Variants in SPMIP2 observed in about 807,000 individuals in gnomAD.
SPMIP2 encodes the protein protein SPMIP2.
the SPMIP2 span, among the ~76,000 whole-genome samples, chr4:158,941,578 G>T: frequency 6.6e-6 from 1 of 152,146 alleles, no homozygotes; most frequent in African/African-American, 2.4e-5. Context: ...AGGATTGTTT[G>T]AGCCCAGGAG....
the SPMIP2 span, among the ~76,000 whole-genome samples, chr4:159,050,605 C>T: frequency 6.6e-6 from 1 of 151,996 alleles, no homozygotes; most frequent in African/African-American, 2.4e-5. Flanking sequence ...GAGTTCGAGA[C>T]CAGCCTGGGC....
chr4:159,052,621 ATTATTATTATT>A, the SPMIP2 span, among the ~76,000 whole-genome samples: 3 of 150,622 alleles, frequency 2.0e-5, no homozygotes, highest in South Asian at 2.1e-4. Context: ...TATTATTATT[ATTATTATTATT>A]TTATTATTAT....
chr4:159,023,875 A>C, the SPMIP2 span, among the ~76,000 whole-genome samples: 1 of 152,290 alleles, frequency 6.6e-6, no homozygotes, highest in East Asian at 1.9e-4. Context: ...CCTGACTGCC[A>C]AGAATAAAGC....
chr4:158,926,986 C>T, the SPMIP2 span, among the ~76,000 whole-genome samples: 5 of 152,086 alleles, frequency 3.3e-5, no homozygotes, highest in Admixed American at 2.0e-4. Context: ...ACACAGGTAC[C>T]CCTGAATCTA....
the SPMIP2 span, among the ~76,000 whole-genome samples, chr4:158,996,455 G>A: frequency 3.9e-5 from 6 of 152,238 alleles, no homozygotes; most frequent in South Asian, 1.2e-3. Context: ...ATAGTCTCTA[G>A]ATATTTCATG....
chr4:159,067,956 A>G, the SPMIP2 span, among the ~76,000 whole-genome samples: 19 of 152,212 alleles, frequency 1.2e-4, no homozygotes, highest in Non-Finnish European at 7.4e-5. Flanking sequence ...CAAAACCACA[A>G]TGAGATATCA....
the SPMIP2 span, among the ~76,000 whole-genome samples, chr4:158,982,787 C>T: frequency 6.6e-6 from 1 of 152,098 alleles, no homozygotes; most frequent in Non-Finnish European, 1.5e-5. Flanking sequence ...TCCAAATTGA[C>T]ACCCTAGAAC....
chr4:159,034,436 T>C, the SPMIP2 span, among the ~76,000 whole-genome samples: 1 of 152,232 alleles, frequency 6.6e-6, no homozygotes, highest in African/African-American at 2.4e-5. Context: ...ATCAAAGAAG[T>C]TTCTCTTGCA....
chr4:158,913,756 C>T, the SPMIP2 span, among the ~76,000 whole-genome samples: 1 of 151,470 alleles, frequency 6.6e-6, no homozygotes, highest in African/African-American at 2.4e-5. Flanking sequence ...TTGTTTGAAC[C>T]CAGGAGTTCA....
chr4:158,949,579 T>A, the SPMIP2 span, among the ~76,000 whole-genome samples: 1 of 78,730 alleles, frequency 1.3e-5, no homozygotes, highest in Non-Finnish European at 2.5e-5. Context: ...TCATGACTGA[T>A]TAGAATTCCC....
chr4:159,032,376 G>A, the SPMIP2 span, among the ~76,000 whole-genome samples: 17 of 152,178 alleles, frequency 1.1e-4, no homozygotes, highest in South Asian at 3.5e-3. Flanking sequence ...AAGAGAACAA[G>A]AAAAATAATT....
chr4:158,920,545 G>A, the SPMIP2 span, among the ~76,000 whole-genome samples: 1 of 152,178 alleles, frequency 6.6e-6, no homozygotes, highest in African/African-American at 2.4e-5. Flanking sequence ...TTATGCGGTT[G>A]AGATAAGGAC....
chr4:159,000,494 C>CT, the SPMIP2 span, among the ~76,000 whole-genome samples: 40,436 of 129,984 alleles, frequency 0.31, 6,576 homozygotes, highest in South Asian at 0.42. Context: ...TCTTCTTCTT[C>CT]TTTTTTTTTT....
the SPMIP2 span, among the ~76,000 whole-genome samples, chr4:158,942,748 G>A: frequency 6.6e-6 from 1 of 152,126 alleles, no homozygotes; most frequent in Non-Finnish European, 1.5e-5. Context: ...CTGCACTCCA[G>A]CCTGGACCAC....
chr4:159,055,711 AAAAT>A, the SPMIP2 span, among the ~76,000 whole-genome samples: 27 of 152,200 alleles, frequency 1.8e-4, no homozygotes, highest in African/African-American at 5.8e-4. Flanking sequence ...CCCTGTCTCA[AAAAT>A]AAATAAATAA....
At chr4:158,913,205 T>C in the SPMIP2 span, among the ~76,000 whole-genome samples, 1 of 152,202 alleles carries the variant, frequency 6.6e-6, no homozygotes, top group Non-Finnish European at 1.5e-5. Flanking sequence ...TTAATACTTT[T>C]TGTTGTTGCT....
At chr4:159,005,163 A>G in the SPMIP2 span, among the ~76,000 whole-genome samples, 1 of 88,894 alleles carries the variant, frequency 1.1e-5, no homozygotes, top group African/African-American at 4.4e-5. Context: ...CCCAGGTTGC[A>G]GTGAGCCGAG....
At chr4:159,045,082 C>T in the SPMIP2 span, among the ~76,000 whole-genome samples, 9 of 150,194 alleles carry the variant, frequency 6.0e-5, no homozygotes, top group Non-Finnish European at 1.3e-4. Context: ...CAGAGTGAGA[C>T]TCTGTCTCAA....
the SPMIP2 span, among the ~76,000 whole-genome samples, chr4:158,927,708 G>T: frequency 6.6e-6 from 1 of 152,250 alleles, no homozygotes; most frequent in Non-Finnish European, 1.5e-5. Flanking sequence ...GGAGGGAGAG[G>T]CGCCAGTGGG....
Sources: allele counts gnomAD v4.1 joint callset (sites outside exome capture counted in the v4.1 genomes callset), GRCh38; gene constraint gnomAD v4.1.1; transcripts MANE v1.5; gene names NCBI Gene and HGNC (gene_info 2026-07-23, HGNC 2026-07-21).